Variants in SLMAP observed in about 807,000 individuals in gnomAD.
SLMAP encodes the protein sarcolemma associated protein.
Under a neutral mutation model 128.8 loss-of-function variants are expected in SLMAP, and 44 were observed. The ratio of observed to expected loss-of-function variants is 0.34; its 90% CI spans 0.27 to 0.44. The LOEUF is 0.44. SLMAP is among the 20% of genes least tolerant of loss of function. SLMAP has a pLI of 1.00. For synonymous variants in SLMAP, 327 were observed against 348.8 expected (o/e 0.94, Z 0.70); for missense variants, 787 against 985.3 (o/e 0.80, Z 2.69).
At chr3:57,879,148 A>G (rs2095668559) in intron 14 of SLMAP, among the ~76,000 whole-genome samples, 1 of 152,222 alleles carries the variant, frequency 6.6e-6, no homozygotes, top group South Asian at 2.1e-4. Context: ...ATGAGCCACC[A>G]TATTCAGCCT....
In SLMAP at chr3:57,861,995, T is replaced by C. The variant is rs769746615; in HGVS notation, c.875T>C (p.Met292Thr). The change falls in exon 10 of 25, where the codon ATG becomes ACG. Residue 292 changes from methionine (M) to threonine (T), a missense_variant. Met to Thr is a moderately conservative substitution (Grantham distance 81). Transcript: ENST00000671191. The part of the protein sequence containing the change: ...TEDECTHLKE[M>T]NERTQEELRE... ...GATGAATGTACCCATCTGAAAGAAA[T>C]GAATGAAAGGACTCAGGAAGAATTA... 1.2e-6 allele frequency: 2 copies of C among 1,611,188 alleles called. No homozygotes were observed. The highest frequency in any genetic ancestry group is 1.7e-5 in the Admixed American group (1 of 59,958).
chr3:57,877,513 T>A (rs894612980), intron 14 of SLMAP, among the ~76,000 whole-genome samples: 6 of 152,236 alleles, frequency 3.9e-5, no homozygotes, highest in Non-Finnish European at 8.8e-5. Flanking sequence ...TAATATGTTA[T>A]GTCCCTGTAA....
At chr3:57,899,739 TTCTC>T (rs2096327458) in intron 17 of SLMAP, 1 of 152,076 alleles carries the variant, frequency 6.6e-6, no homozygotes, top group Non-Finnish European at 1.5e-5. Context: ...TTGTTTCTCT[TTCTC>T]TCTCTGTCTC....
intron 6 of SLMAP, among the ~76,000 whole-genome samples, chr3:57,853,801 C>T (rs924096167): frequency 1.3e-5 from 2 of 149,822 alleles, no homozygotes; most frequent in South Asian, 4.2e-4. Context: ...ACCAGCTGGG[C>T]GTGGTGGCGC....
intron 17 of SLMAP, among the ~76,000 whole-genome samples, chr3:57,905,547 C>G (rs2096512030): frequency 6.6e-6 from 1 of 152,128 alleles, no homozygotes; most frequent in Non-Finnish European, 1.5e-5. Flanking sequence ...TCCCAAAGTA[C>G]TGGTATTACA....
intron 2 of SLMAP, among the ~76,000 whole-genome samples, chr3:57,815,643 G>A (rs1032206247): frequency 6.6e-6 from 1 of 150,904 alleles, no homozygotes; most frequent in Non-Finnish European, 1.5e-5. Flanking sequence ...ATATCTTTTG[G>A]TTTTTTTTAA....
At chr3:57,861,102 C>G (rs1375676022) in intron 9 of SLMAP, among the ~76,000 whole-genome samples, 1 of 151,628 alleles carries the variant, frequency 6.6e-6, no homozygotes, top group Admixed American at 6.6e-5. Flanking sequence ...GATTCACCCT[C>G]CATACAGCAG....
intron 2 of SLMAP, among the ~76,000 whole-genome samples, chr3:57,809,386 A>G (rs978205456): frequency 1.2e-4 from 18 of 152,180 alleles, no homozygotes; most frequent in Admixed American, 2.0e-4. Flanking sequence ...CCAGGTGTGC[A>G]CACGCTCAGG....
At position 57,916,941 on chromosome 3, in the gene SLMAP, T is replaced by G; in HGVS notation, c.2174T>G (p.Leu725Arg). The G allele has an allele frequency of 6.2e-7, 1 of 1,613,946 alleles. No individual in the cohort carries two copies. Among genetic ancestry groups the G allele is most frequent in the Non-Finnish European group, 8.5e-7 (1 of 1,179,892 alleles). The change falls in exon 22 of 25, where the codon CTC becomes CGC. Residue 725 changes from leucine (L) to arginine (R), a missense_variant. Physicochemically the swap from Leu to Arg is moderately radical, Grantham distance 102 (BLOSUM62 -2). This residue lies in a region of SLMAP where 715 missense variants were observed against 843.6 expected (regional missense o/e 0.85). Coordinates refer to ENST00000671191, the MANE Select transcript of SLMAP (RefSeq NM_001377540.1). ...QKQSLELTSDLSILQMSRKEL... is the reference protein window; with the variant it reads ...QKQSLELTSDRSILQMSRKEL... Reference sequence around the variant, plus strand: ...CAGAGTTTAGAGCTTACCAGTGATCTCAGCATCCTTCAAATGTCTAGGAAA... The same window carrying G: ...CAGAGTTTAGAGCTTACCAGTGATCGCAGCATCCTTCAAATGTCTAGGAAA...
chr3:57,758,304 G>C (rs1271623637), intron 2 of SLMAP, among the ~76,000 whole-genome samples: 2 of 152,204 alleles, frequency 1.3e-5, no homozygotes, highest in Admixed American at 6.5e-5. Context: ...GTTCAGATCA[G>C]GACCTTTCTA....
chr3:57,834,529 C>T (rs1291975262), intron 3 of SLMAP, among the ~76,000 whole-genome samples: 1 of 151,996 alleles, frequency 6.6e-6, no homozygotes, highest in Non-Finnish European at 1.5e-5. Flanking sequence ...GCAAAATTAT[C>T]TCAAGAAGTG....
At chr3:57,823,582 G>C (rs934804153) in intron 2 of SLMAP, among the ~76,000 whole-genome samples, 1 of 152,130 alleles carries the variant, frequency 6.6e-6, no homozygotes, top group African/African-American at 2.4e-5. Context: ...GTATTCCATG[G>C]TGTATATGTG....
In SLMAP at chr3:57,916,871, C is replaced by T. The variant is rs142455951; in HGVS notation, c.2139-35C>T. The stretch of plus-strand genomic sequence containing the variant: ...ACTTCCTTCTGTGTCCAGTTTCTAC[C>T]TGTGAATAACTATCTGTCAATATTT... On this transcript the variant is annotated intron_variant, in intron 21 of 24. Coordinates refer to ENST00000671191, the MANE Select transcript of SLMAP (RefSeq NM_001377540.1). The T allele has an allele frequency of 2.4e-4, 371 of 1,577,640 alleles. 2 individuals carry two copies. The East Asian group carries it at 8.2e-3, about 35-fold the overall frequency.
chr3:57,925,334 CTT>C (rs11450622), intron 23 of SLMAP, among the ~76,000 whole-genome samples: 3 of 120,038 alleles, frequency 2.5e-5, no homozygotes, highest in African/African-American at 3.3e-5. Context: ...GTTTCTTTCT[CTT>C]TTTTTTTTTT....
chr3:57,852,434 C>G (rs900284662), intron 6 of SLMAP, among the ~76,000 whole-genome samples: 1 of 152,166 alleles, frequency 6.6e-6, no homozygotes, highest in Non-Finnish European at 1.5e-5. Context: ...GCTTTAATTT[C>G]TGACCTACTG....
At chr3:57,911,062 A>G (rs751184396) in intron 19 of SLMAP, among the ~76,000 whole-genome samples, 5 of 152,296 alleles carry the variant, frequency 3.3e-5, no homozygotes, top group Admixed American at 1.3e-4. Flanking sequence ...TTATCCATTA[A>G]TTTACATAAA....
chr3:57,907,802 CATG>C (rs1409460756), intron 17 of SLMAP, 79 bp from the exon 18 acceptor site: 1 of 1,353,254 alleles, frequency 7.4e-7, no homozygotes, highest in Admixed American at 2.2e-5. Flanking sequence ...CATGTGCAAA[CATG>C]AGAGAGATTA....
intron 2 of SLMAP, among the ~76,000 whole-genome samples, chr3:57,829,865 A>G (rs1219906101): frequency 3.3e-5 from 5 of 152,192 alleles, no homozygotes; most frequent in Non-Finnish European, 5.9e-5. Flanking sequence ...AGGATAAATG[A>G]AACATAAAGT....
intron 14 of SLMAP, among the ~76,000 whole-genome samples, chr3:57,888,393 G>A (rs1008551970): frequency 2.6e-5 from 4 of 152,132 alleles, no homozygotes; most frequent in African/African-American, 4.8e-5. Flanking sequence ...GGGAGGCTGA[G>A]GCGGGTGGAG....
Sources: gnomAD v4.1 joint callset for allele counts (sites outside exome capture counted in the v4.1 genomes callset) on GRCh38, gnomAD v4.1.1 for gene constraint, gnomAD v4.1.1 regional missense constraint, MANE v1.5 for transcripts, NCBI Gene and HGNC (gene_info 2026-07-23, HGNC 2026-07-21) for gene names.